RPS6KA6: variants seen among roughly 807,000 people sequenced by gnomAD.
The protein encoded by RPS6KA6 is ribosomal protein S6 kinase A6.
In RPS6KA6, 27 loss-of-function variants were observed where a neutral mutation model predicts 65.4. The ratio of observed to expected loss-of-function variants is 0.41; its 90% CI spans 0.30 to 0.57. The LOEUF is 0.57. RPS6KA6 is among the 20% of genes least tolerant of loss of function. RPS6KA6 has a pLI of 0.24. For missense variants in RPS6KA6, 486 were observed against 555.6 expected (o/e 0.87, Z 1.26); for synonymous variants, 190 against 184.2 (o/e 1.03, Z -0.26).
chrX:84,181,896 C>G (rs1450069514), intron 1 of RPS6KA6, among the ~76,000 whole-genome samples: 1 of 111,097 alleles, frequency 9.0e-6, no homozygotes, highest in East Asian at 2.8e-4. Flanking sequence ...TTTCATATAT[C>G]TCCTACTTTG....
chrX:84,144,659 A>C (rs1426596917), intron 6 of RPS6KA6, among the ~76,000 whole-genome samples: 1 of 111,026 alleles, frequency 9.0e-6, no homozygotes, highest in Non-Finnish European at 1.9e-5. Flanking sequence ...CACATGACCC[A>C]GTCATTATAC....
intron 20 of RPS6KA6, among the ~76,000 whole-genome samples, chrX:84,085,894 T>C (rs183132730): frequency 9.0e-6 from 1 of 111,423 alleles, no homozygotes; most frequent in Admixed American, 9.5e-5. Context: ...TTCCTGGTTG[T>C]CACAGGAGGG....
chrX:84,187,972 T>G lies in RPS6KA6; in HGVS notation c.-73A>C. On this transcript the variant is annotated 5_prime_UTR_variant, in exon 1 of 22. Coordinates refer to ENST00000262752, the MANE Select transcript of RPS6KA6 (RefSeq NM_014496.5). Reference sequence around the variant, plus strand: ...CGGCCGCGCATCCTGTCTATTGAACTGGCCCGCCGCCGCCGCCGCCGCCGC... The same window carrying G: ...CGGCCGCGCATCCTGTCTATTGAACGGGCCCGCCGCCGCCGCCGCCGCCGC... 6.3e-6 allele frequency: 5 copies of G among 791,317 alleles called. No homozygotes were observed. Among genetic ancestry groups the G allele is most frequent in the Non-Finnish European group, 8.4e-6 (5 of 594,604 alleles). 65.2% of individuals were successfully genotyped at this position (791,317 alleles called of 1,213,427 possible).
intron 2 of RPS6KA6, among the ~76,000 whole-genome samples, chrX:84,163,968 TC>T (rs1244169904): frequency 2.7e-5 from 3 of 112,202 alleles, no homozygotes; most frequent in Non-Finnish European, 5.6e-5. Context: ...AAGTCAGATA[TC>T]CTTTCTACCC....
intron 17 of RPS6KA6, among the ~76,000 whole-genome samples, chrX:84,103,220 T>G (rs1052692801): frequency 9.0e-6 from 1 of 111,193 alleles, no homozygotes; most frequent in African/African-American, 3.3e-5. Context: ...GATTCCAAGA[T>G]GAACCATGCT....
intron 6 of RPS6KA6, among the ~76,000 whole-genome samples, chrX:84,143,904 A>C (rs1432355321): frequency 9.0e-6 from 1 of 111,529 alleles, no homozygotes; most frequent in Non-Finnish European, 1.9e-5. Flanking sequence ...ACTGGTTTTC[A>C]AGAAAAATGT....
chrX:84,123,412 G>A (rs1290229568), intron 8 of RPS6KA6, among the ~76,000 whole-genome samples: 5 of 112,846 alleles, frequency 4.4e-5, no homozygotes, highest in Admixed American at 2.8e-4. Flanking sequence ...CTAGGCTCTT[G>A]GATATAATTT....
chrX:84,096,229 C>T lies in RPS6KA6; in HGVS notation c.1936G>A (p.Gly646Ser). 1 of 1,196,630 alleles carries T rather than the reference C, an allele frequency of 8.4e-7. No homozygotes were observed. Among genetic ancestry groups the T allele is most frequent in the Non-Finnish European group, 1.1e-6 (1 of 882,423 alleles). ...TCTGAAATATTGTCCCAGTTTCCAC[C>T]ACTCAAAGAGAATTTTCCATTGCCT... is the stretch of plus-strand genomic sequence containing the variant. The part of the protein sequence containing the change: ...RIGNGKFSLS[G>S]GNWDNISDGA... Residue 646 changes from glycine to serine, a missense_variant, in exon 20 of 22, where the codon GGT (glycine) becomes AGT (serine). Physicochemically the swap from Gly to Ser is moderately conservative, Grantham distance 56. Transcript: ENST00000262752.
chrX:84,179,063 CAAT>C lies in RPS6KA6; in HGVS notation c.81+8753_81+8755del, dbSNP rs199643350. ...TGGAATATAAAGAACTCTCAAAATT[CAAT>C]AATAAGAAAACAACCCAACTTGAAC... is the stretch of plus-strand genomic sequence containing the variant. On this transcript the variant is annotated intron_variant, in intron 1 of 21. Transcript: ENST00000262752. Among the ~76,000 whole-genome samples the C allele has an allele frequency of 4.2e-3, 467 of 111,172 alleles. 4 individuals are homozygous for C. The highest frequency in any genetic ancestry group is 0.015 in the African/African-American group (446 of 30,741).
intron 1 of RPS6KA6, among the ~76,000 whole-genome samples, chrX:84,166,990 A>C (rs184926865): frequency 9.0e-6 from 1 of 111,709 alleles, no homozygotes. Flanking sequence ...TGAAAAAAAA[A>C]ATTACAGTTT....
intron 20 of RPS6KA6, among the ~76,000 whole-genome samples, chrX:84,069,006 T>C (rs2033469000): frequency 8.9e-6 from 1 of 111,987 alleles, no homozygotes; most frequent in South Asian, 3.7e-4. Context: ...ATTTATAGAT[T>C]CAATGTTATC....
chrX:84,127,266 T>C (rs998333227), intron 8 of RPS6KA6, among the ~76,000 whole-genome samples: 1 of 110,827 alleles, frequency 9.0e-6, no homozygotes, highest in Non-Finnish European at 1.9e-5. Flanking sequence ...ACGTAAAACC[T>C]ACCAAGAAAT....
chrX:84,068,605 CA>C (rs879012832), intron 20 of RPS6KA6, among the ~76,000 whole-genome samples: 1 of 111,601 alleles, frequency 9.0e-6, no homozygotes, highest in African/African-American at 3.3e-5. Flanking sequence ...TAAAGGTATT[CA>C]AATAGGAAGA....
intron 1 of RPS6KA6, chrX:84,186,659 AAAC>A (rs2035932176): frequency 8.9e-6 from 1 of 111,840 alleles, no homozygotes; most frequent in African/African-American, 3.3e-5. Flanking sequence ...AAAGAAAAAA[AAAC>A]AAGGTAATCA....
chrX:84,070,708 A>G (rs1440938330), intron 20 of RPS6KA6, among the ~76,000 whole-genome samples: 5 of 111,470 alleles, frequency 4.5e-5, no homozygotes, highest in African/African-American at 1.6e-4. Context: ...GTAAGGGACT[A>G]GGGCAACCAA....
Position 84,120,045 on chromosome X carries a change from C to G in RPS6KA6, c.647-18G>C, listed in dbSNP as rs1446928160. ...TCCAAAATCTATAATAACAGTATTA[C>G]CAAAAAATGTGTCTGAAAAACTTCA... On this transcript the variant is annotated intron_variant, in intron 8 of 21. Transcript: ENST00000262752. The G allele has an allele frequency of 9.1e-7, 1 of 1,099,926 alleles. No individual in the cohort carries two copies. Among genetic ancestry groups the G allele is most frequent in the Admixed American group, 3.0e-5 (1 of 32,964 alleles). The allele number at this position is 1,099,926 out of a possible 1,213,427, so 90.6% of individuals were successfully genotyped here. A position where few individuals can be genotyped will look rare whatever the true frequency, so the allele number is the denominator to read the frequency against.
intron 3 of RPS6KA6, among the ~76,000 whole-genome samples, chrX:84,154,975 A>C (rs2035391163): frequency 9.0e-6 from 1 of 111,553 alleles, no homozygotes; most frequent in South Asian, 3.7e-4. Flanking sequence ...TAACGTGGGA[A>C]GATCACTTAA....
chrX:84,087,258 G>A (rs1004806829), intron 20 of RPS6KA6, among the ~76,000 whole-genome samples: 3 of 111,547 alleles, frequency 2.7e-5, no homozygotes, highest in Non-Finnish European at 3.8e-5. Flanking sequence ...TAACTGGTCT[G>A]TGTACTTCAG....
chrX:84,117,274 A>G, intron 10 of RPS6KA6, 110 bp downstream of exon 10: 2 of 642,905 alleles, frequency 3.1e-6, no homozygotes, highest in South Asian at 3.5e-5. Flanking sequence ...GAAGGGAACA[A>G]GACAGTGAGA....
Sources: allele counts gnomAD v4.1 joint callset (sites outside exome capture counted in the v4.1 genomes callset), GRCh38; gene constraint gnomAD v4.1.1; transcripts MANE v1.5; gene names NCBI Gene and HGNC (gene_info 2026-07-23, HGNC 2026-07-21).